BANP: variants seen among roughly 807,000 people sequenced by gnomAD.
BANP encodes protein BANP.
Under a neutral mutation model 68.1 loss-of-function variants are expected in BANP, and 11 were observed. The observed-to-expected ratio is 0.16, with a 90% CI of 0.10 to 0.27. The LOEUF is 0.27. Among genes scored for constraint, BANP ranks in the 10% least tolerant of loss-of-function variants. The probability of loss-of-function intolerance (pLI) is 1.00; values close to 1 mark genes in which losing one functional copy is unlikely to be tolerated. For missense variants in BANP, 504 were observed against 722.7 expected (o/e 0.70, Z 3.47); for synonymous variants, 329 against 303.2 (o/e 1.09, Z -0.88).
intron 7 of BANP, among the ~76,000 whole-genome samples, chr16:88,026,221 G>A (rs562719516): frequency 1.3e-5 from 2 of 152,244 alleles, no homozygotes; most frequent in Admixed American, 6.5e-5. Flanking sequence ...CGATGCACCT[G>A]GCTTTGGCCC....
intron 7 of BANP, among the ~76,000 whole-genome samples, chr16:88,023,810 TGC>T (rs2076465999): frequency 6.6e-6 from 1 of 152,212 alleles, no homozygotes; most frequent in African/African-American, 2.4e-5. Flanking sequence ...CTTTGGGGAC[TGC>T]AGAACAGCTC....
chr16:88,060,823 A>G (rs1011415242), intron 11 of BANP, among the ~76,000 whole-genome samples: 10 of 152,068 alleles, frequency 6.6e-5, no homozygotes, highest in East Asian at 3.9e-4. Flanking sequence ...ATGCAGATAC[A>G]TCCTTATTTT....
At chr16:87,982,298 G>A (rs1184974691) in intron 3 of BANP, among the ~76,000 whole-genome samples, 9 of 152,228 alleles carry the variant, frequency 5.9e-5, no homozygotes, top group African/African-American at 1.9e-4. Context: ...TGTGACTTGC[G>A]TAGAGTCGTG....
At chr16:88,047,185 A>T (rs2082225232) in intron 11 of BANP, among the ~76,000 whole-genome samples, 1 of 152,186 alleles carries the variant, frequency 6.6e-6, no homozygotes, top group Admixed American at 6.5e-5. Flanking sequence ...ATCCCAAGCC[A>T]GAGCTCCCGG....
At chr16:87,974,854 G>A (rs188428815) in intron 1 of BANP, among the ~76,000 whole-genome samples, 194 bp from the exon 2 acceptor site, 285 of 152,284 alleles carry the variant, frequency 1.9e-3, no homozygotes, top group Middle Eastern at 3.4e-3. Flanking sequence ...AGAGGCAGCG[G>A]GTGGCGTTTT....
At chr16:87,963,816 A>G (rs1416286907) in intron 1 of BANP, among the ~76,000 whole-genome samples, 1 of 152,226 alleles carries the variant, frequency 6.6e-6, no homozygotes, top group African/African-American at 2.4e-5. Context: ...GATGCTGATA[A>G]TCTATAGCAG....
intron 4 of BANP, among the ~76,000 whole-genome samples, chr16:87,991,935 C>G (rs1019290014): frequency 2.6e-5 from 4 of 152,046 alleles, no homozygotes; most frequent in African/African-American, 9.7e-5. Flanking sequence ...TTGCCTTATT[C>G]CTGATCTTTG....
chr16:87,971,248 A>G (rs67719607), intron 1 of BANP, among the ~76,000 whole-genome samples: 52,941 of 151,800 alleles, frequency 0.35, 10,478 homozygotes, highest in Non-Finnish European at 0.47. Flanking sequence ...GTCTGCGTTT[A>G]GCACATAGCC....
intron 4 of BANP, among the ~76,000 whole-genome samples, chr16:87,992,237 T>C (rs1010064681): frequency 2.6e-5 from 4 of 152,232 alleles, no homozygotes; most frequent in African/African-American, 9.6e-5. Flanking sequence ...ATTGTGCTTT[T>C]GCTATACTGA....
intron 11 of BANP, among the ~76,000 whole-genome samples, chr16:88,061,963 C>T (rs2152877449): frequency 6.6e-6 from 1 of 152,316 alleles, no homozygotes; most frequent in South Asian, 2.1e-4. Flanking sequence ...CCAGCCTGAG[C>T]ACCTCATTTT....
intron 1 of BANP, among the ~76,000 whole-genome samples, chr16:87,971,275 C>G (rs184115695): frequency 9.0e-4 from 137 of 152,316 alleles, no homozygotes; most frequent in African/African-American, 3.2e-3. Context: ...TCCTCTGTCT[C>G]AGTCCTGCGT....
intron 11 of BANP, among the ~76,000 whole-genome samples, chr16:88,059,947 C>T (rs2086250897): frequency 6.6e-6 from 1 of 152,230 alleles, no homozygotes; most frequent in African/African-American, 2.4e-5. Context: ...TGCACACACA[C>T]ACCCCAGGAG....
intron 12 of BANP, among the ~76,000 whole-genome samples, chr16:88,067,916 G>T (rs2089190724): frequency 1.3e-5 from 2 of 152,188 alleles, no homozygotes; most frequent in South Asian, 4.1e-4. Context: ...CGTTGCACGG[G>T]GCCTCCCCGT....
At chr16:88,072,245 G>C (rs185961232) in intron 13 of BANP, 33 bp downstream of exon 13, 1 of 1,579,278 alleles carries the variant, frequency 6.3e-7, no homozygotes, top group African/African-American at 1.4e-5. Flanking sequence ...GGACACTGAA[G>C]TGATGGCATG....
intron 4 of BANP, among the ~76,000 whole-genome samples, chr16:87,997,930 A>G (rs1480032619): frequency 1.3e-5 from 2 of 152,100 alleles, no homozygotes; most frequent in Non-Finnish European, 2.9e-5. Flanking sequence ...TTAGTTTAGC[A>G]CTTCCTGGTG....
chr16:88,045,789 G>A (rs2081888037), intron 11 of BANP, among the ~76,000 whole-genome samples: 1 of 122,786 alleles, frequency 8.1e-6, no homozygotes, highest in Admixed American at 9.6e-5. Flanking sequence ...AACTGGATGG[G>A]TGGGGGGTGG....
In BANP at chr16:87,980,903, G is replaced by T. The variant is rs373065465; in HGVS notation, c.71-133G>T. ...GCCTGACTGAGAATAAGTTTAAAAA[G>T]GTGAAATATGAGATAGGTTCTGCTG... On this transcript the variant is annotated intron_variant, in intron 2 of 13. Transcript: ENST00000682872. The T allele has an allele frequency of 4.1e-3, 2,640 of 646,034 alleles. 34 individuals carry two copies. The highest frequency in any genetic ancestry group is 0.022 in the South Asian group (1,227 of 55,300). The allele number at this position is 646,034 out of a possible 1,614,324, so 40.0% of individuals were successfully genotyped here.
At chr16:88,030,691 C>T (rs1178819183) in intron 8 of BANP, among the ~76,000 whole-genome samples, 1 of 152,170 alleles carries the variant, frequency 6.6e-6, no homozygotes, top group Non-Finnish European at 1.5e-5. Context: ...GGTGCAACAG[C>T]GTGTGAAGCC....
chr16:88,073,542 G>C (rs994222631), intron 13 of BANP, among the ~76,000 whole-genome samples: 2 of 145,472 alleles, frequency 1.4e-5, no homozygotes, highest in Admixed American at 6.8e-5. Context: ...AGAACGCACA[G>C]GCAGTGAGGA....
Sources: gnomAD v4.1 joint callset for allele counts (sites outside exome capture counted in the v4.1 genomes callset) on GRCh38, gnomAD v4.1.1 for gene constraint, MANE v1.5 for transcripts, NCBI Gene and HGNC (gene_info 2026-07-23, HGNC 2026-07-21) for gene names.